DOCK11: variants seen among roughly 807,000 people sequenced by gnomAD.
The protein encoded by DOCK11 is dedicator of cytokinesis protein 11.
Under a neutral mutation model 169.1 loss-of-function variants are expected in DOCK11, and 70 were observed. The observed-to-expected ratio is 0.41, with a 90% confidence interval of 0.34 to 0.51. The LOEUF (loss-of-function observed/expected upper bound fraction) is 0.51, where lower values mean the gene tolerates loss of function less well. Among genes scored for constraint, DOCK11 ranks in the 20% least tolerant of loss-of-function variants. The probability of loss-of-function intolerance (pLI) is 0.10; values close to 1 mark genes in which losing one functional copy is unlikely to be tolerated. For missense variants in DOCK11, 1,166 were observed against 1,538.8 expected (o/e 0.76, Z 4.05); for synonymous variants, 529 against 541.3 (o/e 0.98, Z 0.32).
At chrX:118,545,519 C>T in intron 5 of DOCK11, 127 bp downstream of exon 5, 1 of 518,092 alleles carries the variant, frequency 1.9e-6, no homozygotes, top group Non-Finnish European at 2.9e-6. Flanking sequence ...TGATCTGTGG[C>T]CAGCTTTCAA....
intron 1 of DOCK11, among the ~76,000 whole-genome samples, chrX:118,506,658 T>A (rs748286083): frequency 1.0e-5 from 1 of 97,428 alleles, no homozygotes; most frequent in East Asian, 3.2e-4. Flanking sequence ...AAAGTGAGAC[T>A]GTCTCAAAAA....
chrX:118,553,720 A>G (rs1242070312), intron 6 of DOCK11, among the ~76,000 whole-genome samples: 2 of 111,968 alleles, frequency 1.8e-5, no homozygotes, highest in African/African-American at 3.2e-5. Flanking sequence ...TATTAAAATA[A>G]TTGCTAGGAG....
Position 118,652,062 on chromosome X carries a change from T to G in DOCK11, c.4680T>G (p.Ser1560Arg), listed in dbSNP as rs1202635087. The change falls in exon 42 of 53, where the codon AGT becomes AGG. Residue 1560 changes from serine (S) to arginine (R), a missense_variant. Coordinates refer to ENST00000276202, the MANE Select transcript of DOCK11 (RefSeq NM_144658.4). ...SLFIINNFAN[S>R]DRPMKATAFP... ...TCATTATCAATAATTTTGCAAATAGTGACAGACCTATGAAGGTATGTTCTC... is the reference window on the plus strand; with the variant it reads ...TCATTATCAATAATTTTGCAAATAGGGACAGACCTATGAAGGTATGTTCTC... 1.7e-6 allele frequency: 2 copies of G among 1,170,656 alleles called. No homozygotes were observed. Among genetic ancestry groups the G allele is most frequent in the Non-Finnish European group, 2.3e-6 (2 of 863,418 alleles).
At chrX:118,541,919 G>A (rs1453774857) in intron 1 of DOCK11, among the ~76,000 whole-genome samples, 1 of 111,261 alleles carries the variant, frequency 9.0e-6, no homozygotes, top group East Asian at 2.8e-4. Flanking sequence ...CTGCCCAAGG[G>A]ATCAAGCATC....
intron 7 of DOCK11, among the ~76,000 whole-genome samples, chrX:118,563,518 CTA>C (rs10536813): frequency 0.05 from 5,429 of 108,895 alleles, 258 homozygotes; most frequent in African/African-American, 0.14. Context: ...GTATAAAGCT[CTA>C]TGTGAATAAA....
intron 19 of DOCK11, 86 bp from the exon 20 acceptor site, chrX:118,593,128 G>T: frequency 1.0e-6 from 1 of 998,988 alleles, no homozygotes; most frequent in Non-Finnish European, 1.4e-6. Flanking sequence ...AAGTATTTTT[G>T]GAGCAGTATG....
chrX:118,574,517 C>T (rs2013384848), intron 12 of DOCK11, among the ~76,000 whole-genome samples: 3 of 111,284 alleles, frequency 2.7e-5, no homozygotes, highest in South Asian at 7.5e-4. Flanking sequence ...TGCAGTGAGC[C>T]GAGATCACGC....
intron 4 of DOCK11, 45 bp downstream of exon 4, chrX:118,543,638 A>G: frequency 9.0e-7 from 1 of 1,107,145 alleles, no homozygotes; most frequent in Non-Finnish European, 1.2e-6. Flanking sequence ...AGAATTATTA[A>G]GCTTTTTTAC....
At chrX:118,508,345 T>C (rs2057627919) in intron 1 of DOCK11, among the ~76,000 whole-genome samples, 1 of 111,474 alleles carries the variant, frequency 9.0e-6, no homozygotes, top group Admixed American at 9.6e-5. Flanking sequence ...GCCTTTTATA[T>C]TAGTAGTTTA....
chrX:118,533,707 T>C (rs2147334702), intron 1 of DOCK11, among the ~76,000 whole-genome samples: 1 of 112,650 alleles, frequency 8.9e-6, no homozygotes, highest in South Asian at 3.6e-4. Context: ...AGAATGCCTG[T>C]GCACTTTACA....
chrX:118,582,276 A>G (rs2013672730), intron 14 of DOCK11, among the ~76,000 whole-genome samples: 5 of 112,030 alleles, frequency 4.5e-5, no homozygotes, highest in Non-Finnish European at 9.4e-5. Flanking sequence ...AGACAAAAAT[A>G]TAAATTATTT....
At chrX:118,543,433 A>G in intron 3 of DOCK11, 78 bp from the exon 4 acceptor site, 2 of 824,638 alleles carry the variant, frequency 2.4e-6, no homozygotes, top group Non-Finnish European at 3.6e-6. Context: ...GCCTGTCGGC[A>G]TAGTACCAGA....
At chrX:118,577,986 T>C (rs993751426) in intron 12 of DOCK11, among the ~76,000 whole-genome samples, 2 of 112,052 alleles carry the variant, frequency 1.8e-5, no homozygotes, top group Admixed American at 1.9e-4. Flanking sequence ...GCATCTACAT[T>C]AGTACATTTA....
intron 20 of DOCK11, among the ~76,000 whole-genome samples, 193 bp from the exon 21 acceptor site, chrX:118,597,238 G>C (rs185419979): frequency 9.0e-6 from 1 of 111,311 alleles, no homozygotes. Context: ...TAACTTGTTA[G>C]TGGCCAGGCT....
chrX:118,511,146 G>A (rs189202239), intron 1 of DOCK11, among the ~76,000 whole-genome samples: 1,158 of 111,917 alleles, frequency 0.01, 13 homozygotes, highest in African/African-American at 0.036. Context: ...TTTCTCCCAG[G>A]CCCAGCATAT....
At chrX:118,606,224 C>T (rs2014498025) in intron 24 of DOCK11, among the ~76,000 whole-genome samples, 1 of 109,758 alleles carries the variant, frequency 9.1e-6, no homozygotes, top group African/African-American at 3.3e-5. Flanking sequence ...CGCCCACCAC[C>T]ATGCCCGGTT....
intron 1 of DOCK11, among the ~76,000 whole-genome samples, chrX:118,523,907 G>A (rs1387103442): frequency 9.0e-6 from 1 of 111,026 alleles, no homozygotes; most frequent in Non-Finnish European, 1.9e-5. Context: ...ACTGAACTTG[G>A]GTGTCACTTT....
chrX:118,676,145 G>T, intron 47 of DOCK11, 96 bp downstream of exon 47: 1 of 545,239 alleles, frequency 1.8e-6, no homozygotes, highest in Non-Finnish European at 2.9e-6. Context: ...CAGATAGAGT[G>T]CCTATTACAA....
intron 1 of DOCK11, among the ~76,000 whole-genome samples, chrX:118,504,298 C>A (rs1029805137): frequency 9.0e-6 from 1 of 111,716 alleles, no homozygotes; most frequent in Non-Finnish European, 1.9e-5. Flanking sequence ...CCTGCCCCAC[C>A]CCCAACCGGC....
Sources: gnomAD v4.1 joint callset for allele counts (sites outside exome capture counted in the v4.1 genomes callset) on GRCh38, gnomAD v4.1.1 for gene constraint, MANE v1.5 for transcripts, NCBI Gene and HGNC (gene_info 2026-07-23, HGNC 2026-07-21) for gene names.